WNK1: variants seen among roughly 807,000 people sequenced by gnomAD.
WNK1 encodes serine/threonine-protein kinase WNK1.
Under a neutral mutation model 222.8 loss-of-function variants are expected in WNK1, and 38 were observed. That is an observed-to-expected ratio of 0.17 (90% CI 0.13 to 0.22). WNK1 has a LOEUF of 0.22. WNK1 is among the 10% of genes least tolerant of loss of function. The pLI is 1.00. For synonymous variants in WNK1, 1,090 were observed against 1,092.9 expected, an observed-to-expected ratio of 1.00 and a Z score of 0.05; for missense variants, 2,348 against 2,918.4, an observed-to-expected ratio of 0.80 and a Z score of 4.50.
chr12:862,159 A>G lies in WNK1; in HGVS notation c.2028A>G (p.Ser676=), dbSNP rs1037558510. ...GAGTGAGCAGCCAACAGACAGTTTC[A>G]TATGGTTCCCAACATGAACAGGCAC... ...ESRVSSQQTV[S]YGSQHEQAHS... Residue 676 remains serine (S), a synonymous_variant, in exon 8 of 28, where the codon TCA becomes TCG. Transcript: ENST00000315939. 1.9e-6 allele frequency: 3 copies of G among 1,613,964 alleles called. No individual in the cohort carries two copies. The highest frequency in any genetic ancestry group is 1.3e-5 in the African/African-American group (1 of 74,912).
chr12:866,031 G>A (rs1951639315), intron 8 of WNK1, among the ~76,000 whole-genome samples: 1 of 150,730 alleles, frequency 6.6e-6, no homozygotes, highest in Admixed American at 6.7e-5. Context: ...GTTTATAAAA[G>A]ATCTATCTTA....
chr12:782,479 C>G (rs1943813436), intron 1 of WNK1, among the ~76,000 whole-genome samples: 1 of 152,152 alleles, frequency 6.6e-6, no homozygotes, highest in Admixed American at 6.5e-5. Context: ...ATATATTACT[C>G]TGCGGTTCCT....
At chr12:864,830 C>G (rs1026564606) in intron 8 of WNK1, among the ~76,000 whole-genome samples, 1 of 152,146 alleles carries the variant, frequency 6.6e-6, no homozygotes, top group Admixed American at 6.6e-5. Context: ...ACTTGTAACA[C>G]TTGGTGTTAT....
In WNK1 at chr12:911,441, TG is replaced by T. The variant is rs1956078387; in HGVS notation, c.*2650del. ...TGAAACCATTCAAATAAACCAAACT[TG>T]CTTTTGTTGAGCTGTGGGGTTTCAT... is the stretch of plus-strand genomic sequence containing the variant. On this transcript the variant is annotated 3_prime_UTR_variant, in exon 28 of 28. Transcript: ENST00000315939. 2.5e-6 allele frequency: 1 copy of T among 398,606 alleles called. No individual in the cohort carries two copies. The allele number at this position is 398,606 out of a possible 1,614,324, so 24.7% of individuals were successfully genotyped here. A position where few individuals can be genotyped will look rare whatever the true frequency, so the allele number is the denominator to read the frequency against.
At chr12:822,281 A>G (rs1947962733) in intron 2 of WNK1, among the ~76,000 whole-genome samples, 2 of 151,560 alleles carry the variant, frequency 1.3e-5, no homozygotes, top group African/African-American at 4.8e-5. Flanking sequence ...TTTAGTAGAG[A>G]CAGGGTTTCA....
At chr12:889,594 G>A (rs984739608) in intron 21 of WNK1, among the ~76,000 whole-genome samples, 11 of 152,088 alleles carry the variant, frequency 7.2e-5, no homozygotes, top group South Asian at 2.1e-4. Context: ...CGAGGCGGGC[G>A]GATCACAAGG....
intron 4 of WNK1, among the ~76,000 whole-genome samples, chr12:841,328 A>G (rs1479076504): frequency 1.3e-5 from 2 of 152,076 alleles, no homozygotes; most frequent in Non-Finnish European, 2.9e-5. Context: ...TGATTTTCCT[A>G]TTCTAGGTAT....
chr12:901,242 G>A (rs1436698781), intron 26 of WNK1, among the ~76,000 whole-genome samples: 1 of 152,176 alleles, frequency 6.6e-6, no homozygotes, highest in Non-Finnish European at 1.5e-5. Context: ...AAAAAATATA[G>A]GTACTGGCTT....
chr12:846,035 A>T (rs1383563853), intron 4 of WNK1, among the ~76,000 whole-genome samples: 1 of 152,248 alleles, frequency 6.6e-6, no homozygotes, highest in African/African-American at 2.4e-5. Context: ...TAGTAGTCAG[A>T]AACCAAGGTT....
In WNK1 at chr12:852,915, A is replaced by G. The variant is rs4980971; in HGVS notation, c.1312-4246A>G. 5.8e-4 allele frequency among the ~76,000 whole-genome samples: 89 copies of G among 152,294 alleles called. No homozygotes were observed. The East Asian group carries it at 6.0e-3, about 10-fold the overall frequency. On this transcript the variant is annotated intron_variant, in intron 4 of 27. Transcript: ENST00000315939. ...CCATGTACACATTTACTTTTAATAT[A>G]CAATACCTGTATATGCTTGCTTCTT...
chr12:899,395 A>G (rs966660563), intron 25 of WNK1, among the ~76,000 whole-genome samples: 1 of 152,074 alleles, frequency 6.6e-6, no homozygotes, highest in Non-Finnish European at 1.5e-5. Context: ...CAGCCTCCCA[A>G]GTAGCTGGGA....
At chr12:903,945 A>G (rs1396901741) in intron 26 of WNK1, among the ~76,000 whole-genome samples, 1 of 152,224 alleles carries the variant, frequency 6.6e-6, no homozygotes, top group Non-Finnish European at 1.5e-5. Context: ...GGGTTAGTAT[A>G]TATATGTGGG....
chr12:822,945 A>G (rs1437494040), intron 2 of WNK1, among the ~76,000 whole-genome samples: 1 of 152,174 alleles, frequency 6.6e-6, no homozygotes. Context: ...GGGAAAGTGT[A>G]CTACTGTCAA....
At chr12:849,270 A>G (rs1036425457) in intron 4 of WNK1, among the ~76,000 whole-genome samples, 1 of 152,206 alleles carries the variant, frequency 6.6e-6, no homozygotes, top group Admixed American at 6.5e-5. Flanking sequence ...TATCTTATGT[A>G]CTGTTGGTAA....
At chr12:831,930 A>G (rs1948824164) in intron 4 of WNK1, among the ~76,000 whole-genome samples, 1 of 152,052 alleles carries the variant, frequency 6.6e-6, no homozygotes, top group African/African-American at 2.4e-5. Context: ...TATATGTTAT[A>G]TTGCACCGAG....
chr12:798,321 A>T (rs1282601691), intron 1 of WNK1, among the ~76,000 whole-genome samples: 1 of 151,608 alleles, frequency 6.6e-6, no homozygotes, highest in Non-Finnish European at 1.5e-5. Flanking sequence ...CCTCCTGAAT[A>T]GCTGGGACTA....
At chr12:864,297 GAC>G (rs984610053) in intron 8 of WNK1, among the ~76,000 whole-genome samples, 1 of 151,728 alleles carries the variant, frequency 6.6e-6, no homozygotes, top group Non-Finnish European at 1.5e-5. Flanking sequence ...TTTTAGTAGA[GAC>G]ACAGTTTCAC....
intron 1 of WNK1, among the ~76,000 whole-genome samples, chr12:800,565 A>G (rs12314329): frequency 0.12 from 18,432 of 151,850 alleles, 1,414 homozygotes; most frequent in African/African-American, 0.2. Context: ...TTTTGATGGG[A>G]AGAGTGTTTT....
chr12:781,283 G>A (rs561542147), intron 1 of WNK1: 1 of 153,328 alleles, frequency 6.5e-6, no homozygotes, highest in Non-Finnish European at 1.5e-5. Flanking sequence ...TTCCACAGGG[G>A]GAAAATACTG....
Sources: allele counts gnomAD v4.1 joint callset (sites outside exome capture counted in the v4.1 genomes callset), GRCh38; gene constraint gnomAD v4.1.1; transcripts MANE v1.5; gene names NCBI Gene and HGNC (gene_info 2026-07-23, HGNC 2026-07-21).